FANK1: variants seen among roughly 807,000 people sequenced by gnomAD.
FANK1 encodes the protein fibronectin type 3 and ankyrin repeat domains protein 1.
In FANK1, 44 loss-of-function variants were observed where a neutral mutation model predicts 45.3. The observed-to-expected ratio is 0.97, with a 90% CI of 0.76 to 1.25. FANK1 has a LOEUF of 1.25. Among genes scored for constraint, FANK1 ranks in the 50% most tolerant of loss-of-function variants. FANK1 has a pLI of 0.00. For synonymous variants in FANK1, 149 were observed against 152.5 expected, an observed-to-expected ratio of 0.98 and a Z score of 0.17; for missense variants, 391 against 424.4, an observed-to-expected ratio of 0.92 and a Z score of 0.69.
In FANK1 at chr10:125,971,375, G is replaced by A. The variant is rs1287188092; in HGVS notation, c.14-8786G>A. ...TACCATCTTTCCTTTCCTGGACTGG[G>A]CTCCTGAAGGTCAGCAGCCTCCCTG... On this transcript the variant is annotated intron_variant, in intron 1 of 10. Coordinates refer to ENST00000368693, the MANE Select transcript of FANK1 (RefSeq NM_145235.5). Among the ~76,000 whole-genome samples, 6 of 151,864 alleles carry A rather than the reference G, an allele frequency of 4.0e-5. 1 individual carries two copies. The highest frequency in any genetic ancestry group is 6.8e-3 in the Middle Eastern group (2 of 294).
Position 126,009,433 on chromosome 10 carries a change from T to C in FANK1, c.1033T>C (p.Cys345Arg), listed in dbSNP as rs1953503015. ...GCAGAGGCCAAAGAAGTCTTGTGTC[T>C]GCTGATGAGAGCACCACTCATCTGC... The part of the protein sequence containing the change: ...KKQRPKKSCV[C>R] Residue 345 changes from cysteine (C) to arginine (R), a missense_variant, in exon 11 of 11, where the codon TGC (cysteine) becomes CGC (arginine). By Grantham distance (180) the Cys-to-Arg change is radical. Transcript: ENST00000368693. 1 of 1,614,200 alleles carries C rather than the reference T, an allele frequency of 6.2e-7. No individual in the cohort carries two copies. Among genetic ancestry groups the C allele is most frequent in the African/African-American group, 1.3e-5 (1 of 75,064 alleles).
At chr10:125,974,385 A>G (rs1218361727) in intron 1 of FANK1, among the ~76,000 whole-genome samples, 1 of 152,188 alleles carries the variant, frequency 6.6e-6, no homozygotes, top group Non-Finnish European at 1.5e-5. Context: ...GGGAAATACA[A>G]GATCCTTTTT....
rs542396263 is a variant in FANK1 at position 125,983,394 on chromosome 10, C to T, written c.191+3056C>T. Among the ~76,000 whole-genome samples the T allele has an allele frequency of 8.5e-5, 13 of 152,150 alleles. No homozygotes were observed. The highest frequency in any genetic ancestry group is 2.9e-4 in the African/African-American group (12 of 41,500). On this transcript the variant is annotated intron_variant, in intron 2 of 10. Coordinates refer to ENST00000368693, the MANE Select transcript of FANK1 (RefSeq NM_145235.5). This position sits in a 1 kb window ranked among gnomAD's most constrained non-coding sequence, Gnocchi z 4.3. ...TGCTCCGGATGCTGGGGATACGGCA[C>T]TGGGAAAAAATTCCTCCCTCATGAT... is the stretch of plus-strand genomic sequence containing the variant.
chr10:125,966,602 G>A (rs1443986556), intron 1 of FANK1, among the ~76,000 whole-genome samples: 1 of 152,042 alleles, frequency 6.6e-6, no homozygotes, highest in Non-Finnish European at 1.5e-5. Flanking sequence ...TTTTTCCTTG[G>A]AAATAAATGT....
At chr10:125,948,370 C>T (rs1315028259) in intron 1 of FANK1, among the ~76,000 whole-genome samples, 1 of 151,848 alleles carries the variant, frequency 6.6e-6, no homozygotes, top group African/African-American at 2.4e-5. Context: ...AGACCACTAG[C>T]AAGACTAATA....
chr10:125,981,689 C>T (rs1951229791), intron 2 of FANK1, among the ~76,000 whole-genome samples: 1 of 152,004 alleles, frequency 6.6e-6, no homozygotes, highest in Non-Finnish European at 1.5e-5. Context: ...AGATTCATAT[C>T]CAGTTGTAAG....
chr10:125,952,798 CAT>C (rs1949331193), intron 1 of FANK1, among the ~76,000 whole-genome samples: 1 of 89,252 alleles, frequency 1.1e-5, no homozygotes, highest in Non-Finnish European at 2.2e-5. Flanking sequence ...GCAGGAAATA[CAT>C]ACACACACAC....
At chr10:125,981,938 G>T (rs971968242) in intron 2 of FANK1, among the ~76,000 whole-genome samples, 1 of 152,156 alleles carries the variant, frequency 6.6e-6, no homozygotes, top group African/African-American at 2.4e-5. Flanking sequence ...GTATATGAAA[G>T]CTCCAATTTC....
chr10:125,960,866 C>T (rs1030884534), intron 1 of FANK1, among the ~76,000 whole-genome samples: 3 of 152,064 alleles, frequency 2.0e-5, no homozygotes, highest in Admixed American at 6.6e-5. Context: ...ATACCAATGA[C>T]ATTCTTCATA....
intron 1 of FANK1, among the ~76,000 whole-genome samples, chr10:125,911,028 C>T (rs78477599): frequency 9.4e-4 from 123 of 130,230 alleles, no homozygotes; most frequent in Non-Finnish European, 1.8e-3. Flanking sequence ...AGTGAGACTC[C>T]GTCTTTCCAA....
intron 1 of FANK1, chr10:125,974,817 A>G (rs1178576110): frequency 3.3e-5 from 5 of 152,060 alleles, no homozygotes; most frequent in Non-Finnish European, 5.9e-5. Context: ...AACTGTAGTA[A>G]TGTCCTATGT....
At chr10:126,008,598 T>G (rs750256143) in intron 8 of FANK1, 48 bp downstream of exon 8, 2 of 1,557,566 alleles carry the variant, frequency 1.3e-6, no homozygotes, top group Non-Finnish European at 8.7e-7. Flanking sequence ...GGAATTAATG[T>G]CAGAGCTTTT....
intron 1 of FANK1, among the ~76,000 whole-genome samples, chr10:125,948,799 G>A (rs1948997047): frequency 6.7e-6 from 1 of 150,254 alleles, no homozygotes; most frequent in African/African-American, 2.4e-5. Flanking sequence ...ACCAAAGCCA[G>A]GCAGAGACAC....
intron 1 of FANK1, among the ~76,000 whole-genome samples, chr10:125,911,610 TCTC>T (rs1366278810): frequency 1.3e-5 from 2 of 152,228 alleles, no homozygotes; most frequent in African/African-American, 4.8e-5. Flanking sequence ...GTTAAATCAC[TCTC>T]CTCTAGACGG....
At chr10:125,957,597 T>C (rs1303723742) in intron 1 of FANK1, among the ~76,000 whole-genome samples, 1 of 152,120 alleles carries the variant, frequency 6.6e-6, no homozygotes, top group Non-Finnish European at 1.5e-5. Flanking sequence ...TGATCTCCAC[T>C]CACTGCAACC....
chr10:125,927,678 G>A (rs1947456799), intron 1 of FANK1, among the ~76,000 whole-genome samples: 1 of 152,112 alleles, frequency 6.6e-6, no homozygotes, highest in African/African-American at 2.4e-5. Flanking sequence ...GGCCTCCCAA[G>A]AAGCTGGGAT....
chr10:125,962,251 CCAT>C (rs995187627), intron 1 of FANK1, among the ~76,000 whole-genome samples: 4 of 152,188 alleles, frequency 2.6e-5, no homozygotes, highest in Admixed American at 2.0e-4. Flanking sequence ...CTTGCACCCA[CCAT>C]AGCTGCTTCT....
intron 6 of FANK1, among the ~76,000 whole-genome samples, chr10:126,001,186 T>C (rs1192410979): frequency 1.3e-5 from 2 of 152,300 alleles, no homozygotes; most frequent in Non-Finnish European, 2.9e-5. Flanking sequence ...TTTAAGATTG[T>C]GGAAAATGTG....
chr10:125,974,403 T>G (rs1223484381), intron 1 of FANK1, among the ~76,000 whole-genome samples: 1 of 152,144 alleles, frequency 6.6e-6, no homozygotes, highest in Non-Finnish European at 1.5e-5. Context: ...TTTTTTTAAA[T>G]GAACAATGCA....
Sources: gnomAD v4.1 joint callset for allele counts (sites outside exome capture counted in the v4.1 genomes callset) on GRCh38, gnomAD v4.1.1 for gene constraint, Gnocchi (gnomAD v3.1) non-coding constraint, MANE v1.5 for transcripts, NCBI Gene and HGNC (gene_info 2026-07-23, HGNC 2026-07-21) for gene names.